MOXD1: variants seen among roughly 807,000 people sequenced by gnomAD.
MOXD1 encodes DBH-like monooxygenase protein 1.
Under a neutral mutation model 66.6 loss-of-function variants are expected in MOXD1, and 62 were observed. That is an observed-to-expected ratio of 0.93 (90% CI 0.76 to 1.15). MOXD1 has a LOEUF of 1.15. Among genes scored for constraint, MOXD1 ranks in the 50% most tolerant of loss-of-function variants. The probability of loss-of-function intolerance (pLI) is 0.00; values close to 1 mark genes in which losing one functional copy is unlikely to be tolerated. For synonymous variants in MOXD1, 303 were observed against 281.9 expected (o/e 1.07, Z -0.75); for missense variants, 847 against 754.6 (o/e 1.12, Z -1.44).
intron 10 of MOXD1, among the ~76,000 whole-genome samples, chr6:132,299,408 G>A (rs1774479763): frequency 6.6e-6 from 1 of 151,978 alleles, no homozygotes; most frequent in South Asian, 2.1e-4. Flanking sequence ...ACCTAAACAT[G>A]CATCCCTTGA....
At chr6:132,341,419 T>C (rs1014515659) in intron 4 of MOXD1, among the ~76,000 whole-genome samples, 5 of 152,242 alleles carry the variant, frequency 3.3e-5, no homozygotes, top group Admixed American at 1.3e-4. Flanking sequence ...TATTTTGTTA[T>C]AGCAACACAG....
intron 4 of MOXD1, among the ~76,000 whole-genome samples, chr6:132,335,959 T>C (rs1321215020): frequency 3.3e-5 from 5 of 152,190 alleles, no homozygotes; most frequent in Admixed American, 2.0e-4. Flanking sequence ...CGGGAGAAAG[T>C]ACCTTTCTTG....
intron 6 of MOXD1, among the ~76,000 whole-genome samples, chr6:132,324,710 G>A (rs777943900): frequency 9.9e-5 from 15 of 152,118 alleles, no homozygotes; most frequent in South Asian, 2.1e-4. Flanking sequence ...CACACTTGTC[G>A]TTATGAAATA....
At position 132,328,618 on chromosome 6, in the gene MOXD1, A is replaced by G. The variant is rs781412163; in HGVS notation, c.664-24T>C. Reference sequence around the variant, plus strand: ...ACCTACACGAACATAAATGAGAGGGAGGACACAATAAATAAGACCACCCTA... The same window carrying G: ...ACCTACACGAACATAAATGAGAGGGGGGACACAATAAATAAGACCACCCTA... On this transcript the variant is annotated intron_variant, in intron 4 of 11. Coordinates refer to ENST00000367963, the MANE Select transcript of MOXD1 (RefSeq NM_015529.4). 5 of 1,606,922 alleles carry G rather than the reference A, an allele frequency of 3.1e-6. No individual in the cohort carries two copies. The South Asian group carries it at 5.5e-5, about 18-fold the overall frequency.
At chr6:132,386,477 T>A (rs1482839412) in intron 1 of MOXD1, among the ~76,000 whole-genome samples, 2 of 146,718 alleles carry the variant, frequency 1.4e-5, no homozygotes, top group Non-Finnish European at 1.5e-5. Flanking sequence ...GATGAAATAA[T>A]CTCATAACCA....
chr6:132,340,627 C>T (rs1420097925), intron 4 of MOXD1, among the ~76,000 whole-genome samples: 4 of 136,438 alleles, frequency 2.9e-5, no homozygotes, highest in African/African-American at 1.2e-4. Flanking sequence ...CATGCTAAAA[C>T]AACAAGACTC....
At chr6:132,323,883 A>G in intron 7 of MOXD1, 48 bp downstream of exon 7, 2 of 1,495,216 alleles carry the variant, frequency 1.3e-6, no homozygotes, top group South Asian at 1.3e-5. Flanking sequence ...AGTTTCTAAG[A>G]GCATTGATGA....
At chr6:132,387,813 C>A (rs1776683929) in intron 1 of MOXD1, among the ~76,000 whole-genome samples, 1 of 134,980 alleles carries the variant, frequency 7.4e-6, no homozygotes, top group Non-Finnish European at 1.6e-5. Context: ...AGGATTATAA[C>A]TAATTCAACT....
chr6:132,302,132 G>A (rs1179521872), intron 10 of MOXD1, among the ~76,000 whole-genome samples: 1 of 152,004 alleles, frequency 6.6e-6, no homozygotes, highest in African/African-American at 2.4e-5. Flanking sequence ...CACAAGACTG[G>A]GCAATGAACA....
intron 10 of MOXD1, among the ~76,000 whole-genome samples, chr6:132,313,870 G>T (rs1157215966): frequency 6.6e-6 from 1 of 152,080 alleles, no homozygotes; most frequent in Non-Finnish European, 1.5e-5. Flanking sequence ...AGCTGAGATC[G>T]CGTCACTGCA....
chr6:132,349,617 C>T (rs1775763510), intron 4 of MOXD1, among the ~76,000 whole-genome samples: 1 of 151,508 alleles, frequency 6.6e-6, no homozygotes, highest in African/African-American at 2.4e-5. Flanking sequence ...TAATGACTTA[C>T]TTTCCTCTGG....
chr6:132,302,690 A>G (rs1582556857), intron 10 of MOXD1, among the ~76,000 whole-genome samples: 2 of 152,118 alleles, frequency 1.3e-5, no homozygotes, highest in African/African-American at 2.4e-5. Context: ...CTTTTTAAAA[A>G]TGAAATTGAC....
chr6:132,315,903 G>T, intron 9 of MOXD1, 126 bp from the exon 10 acceptor site: 1 of 983,512 alleles, frequency 1.0e-6, no homozygotes, highest in Non-Finnish European at 1.5e-6. Context: ...AAGCTGAAAA[G>T]TTAAAAAACT....
At chr6:132,361,208 A>G (rs951563019) in intron 4 of MOXD1, among the ~76,000 whole-genome samples, 1 of 152,168 alleles carries the variant, frequency 6.6e-6, no homozygotes, top group African/African-American at 2.4e-5. Flanking sequence ...TCACTAGAGC[A>G]TAAATCTTTT....
At chr6:132,317,501 T>A (rs1215702565) in intron 9 of MOXD1, among the ~76,000 whole-genome samples, 1 of 152,104 alleles carries the variant, frequency 6.6e-6, no homozygotes, top group Non-Finnish European at 1.5e-5. Flanking sequence ...GCTCTCCTAC[T>A]GTAGGGAGTA....
rs1306964655 is a variant in MOXD1 at position 132,381,771 on chromosome 6, A to T, written c.265-6994T>A. 2.0e-5 allele frequency among the ~76,000 whole-genome samples: 3 copies of T among 152,172 alleles called. No individual in the cohort carries two copies. In the East Asian group the frequency reaches 5.8e-4, roughly 29 times the overall value. On this transcript the variant is annotated intron_variant, in intron 1 of 11. Coordinates refer to ENST00000367963, the MANE Select transcript of MOXD1 (RefSeq NM_015529.4). ...ATGAAACAGACACAGTAAAACATTG[A>T]CCAATTAAGAGTTTGAATACAGGTA... is the stretch of plus-strand genomic sequence containing the variant.
intron 4 of MOXD1, among the ~76,000 whole-genome samples, chr6:132,356,445 A>G (rs1562291912): frequency 6.6e-6 from 1 of 152,224 alleles, no homozygotes; most frequent in Non-Finnish European, 1.5e-5. Flanking sequence ...TAGTGTGTGA[A>G]TTTTATAAAG....
chr6:132,298,480 G>C (rs369498698), intron 10 of MOXD1, among the ~76,000 whole-genome samples: 9 of 152,270 alleles, frequency 5.9e-5, no homozygotes, highest in Admixed American at 3.3e-4. Context: ...GTTCCTAAAA[G>C]ATACTGTGAG....
At chr6:132,338,176 T>C (rs1007251549) in intron 4 of MOXD1, among the ~76,000 whole-genome samples, 2 of 152,192 alleles carry the variant, frequency 1.3e-5, no homozygotes, top group East Asian at 3.8e-4. Context: ...CTTGCCCAAG[T>C]GTCACAGCGC....
Sources: gnomAD v4.1 joint callset for allele counts (sites outside exome capture counted in the v4.1 genomes callset) on GRCh38, gnomAD v4.1.1 for gene constraint, MANE v1.5 for transcripts, NCBI Gene and HGNC (gene_info 2026-07-23, HGNC 2026-07-21) for gene names.